Variants in DOK6 observed in about 807,000 individuals in gnomAD.
The protein encoded by DOK6 is docking protein 6, also known as downstream of tyrosine kinase 6.
Under a neutral mutation model 44.0 loss-of-function variants are expected in DOK6, and 22 were observed. That is an observed-to-expected ratio of 0.50 (90% CI 0.36 to 0.71). The LOEUF (loss-of-function observed/expected upper bound fraction) is 0.71. Among genes scored for constraint, DOK6 ranks in the 30% least tolerant of loss-of-function variants. DOK6 has a pLI of 0.00. For missense variants in DOK6, 340 were observed against 416.4 expected (o/e 0.82, Z 1.60); for synonymous variants, 166 against 145.5 (o/e 1.14, Z -1.01).
intron 5 of DOK6, among the ~76,000 whole-genome samples, chr18:69,730,426 G>A (rs1978364222): frequency 6.6e-6 from 1 of 152,192 alleles, no homozygotes; most frequent in African/African-American, 2.4e-5. Flanking sequence ...TCCTAAACTA[G>A]AATTTGTTAG....
At chr18:69,601,722 G>A (rs1983877188) in intron 3 of DOK6, among the ~76,000 whole-genome samples, 1 of 152,146 alleles carries the variant, frequency 6.6e-6, no homozygotes, top group African/African-American at 2.4e-5. Context: ...AAACTCCCAA[G>A]TACACCTAGC....
At chr18:69,774,156 A>AT (rs1473888911) in intron 7 of DOK6, among the ~76,000 whole-genome samples, 9 of 116,680 alleles carry the variant, frequency 7.7e-5, no homozygotes, top group South Asian at 2.9e-4. Context: ...ATATATATAT[A>AT]ATGTAATACT....
At chr18:69,819,559 A>T (rs1382594970) in intron 7 of DOK6, among the ~76,000 whole-genome samples, 1 of 152,148 alleles carries the variant, frequency 6.6e-6, no homozygotes, top group Non-Finnish European at 1.5e-5. Flanking sequence ...TTCTTGAGAA[A>T]TTTTTAAGTG....
chr18:69,465,530 C>T (rs1979901092), intron 1 of DOK6, among the ~76,000 whole-genome samples: 1 of 151,120 alleles, frequency 6.6e-6, no homozygotes, highest in Non-Finnish European at 1.5e-5. Context: ...TTGTTCAATT[C>T]CCACCTATGA....
intron 7 of DOK6, among the ~76,000 whole-genome samples, chr18:69,839,761 G>T (rs914642551): frequency 1.3e-5 from 2 of 152,202 alleles, no homozygotes; most frequent in African/African-American, 4.8e-5. Flanking sequence ...CAGGCGCCGT[G>T]GGGCAGAAAG....
intron 1 of DOK6, among the ~76,000 whole-genome samples, chr18:69,432,804 C>A (rs1289908138): frequency 6.6e-6 from 1 of 152,052 alleles, no homozygotes; most frequent in African/African-American, 2.4e-5. Context: ...AATATAAATT[C>A]ATACAATTTT....
intron 7 of DOK6, among the ~76,000 whole-genome samples, chr18:69,808,887 CA>C (rs1981134225): frequency 6.6e-6 from 1 of 151,722 alleles, no homozygotes; most frequent in African/African-American, 2.4e-5. Flanking sequence ...TAATCATTCC[CA>C]AACTCCTGTC....
At chr18:69,496,008 G>A (rs571814301) in intron 1 of DOK6, among the ~76,000 whole-genome samples, 1 of 152,202 alleles carries the variant, frequency 6.6e-6, no homozygotes, top group African/African-American at 2.4e-5. Context: ...AACTTGCGGG[G>A]GGAGATGCCT....
At chr18:69,509,584 G>A (rs1300372667) in intron 1 of DOK6, among the ~76,000 whole-genome samples, 2 of 140,622 alleles carry the variant, frequency 1.4e-5, no homozygotes, top group South Asian at 2.4e-4. Flanking sequence ...CTTGCAGTGA[G>A]CCGAGATCGC....
At chr18:69,803,924 GA>G (rs1980978941) in intron 7 of DOK6, among the ~76,000 whole-genome samples, 1 of 152,022 alleles carries the variant, frequency 6.6e-6, no homozygotes, top group African/African-American at 2.4e-5. Flanking sequence ...GTTGCAGGAA[GA>G]AATAGAAAGT....
chr18:69,567,892 C>T (rs1341392399), intron 2 of DOK6, among the ~76,000 whole-genome samples: 1 of 152,238 alleles, frequency 6.6e-6, no homozygotes, highest in Admixed American at 6.5e-5. Flanking sequence ...ACCTTTATCT[C>T]AGCCGCTTGC....
chr18:69,663,368 C>G (rs1985577466), intron 3 of DOK6: 1 of 151,844 alleles, frequency 6.6e-6, no homozygotes, highest in Non-Finnish European at 1.5e-5. Context: ...ACGACAAACC[C>G]CCATGACACC....
chr18:69,751,954 G>C (rs932018942), intron 6 of DOK6, among the ~76,000 whole-genome samples: 5 of 152,104 alleles, frequency 3.3e-5, no homozygotes, highest in African/African-American at 1.2e-4. Context: ...AATTTTAGGA[G>C]AGAATACCTT....
chr18:69,534,931 G>A (rs1372321159), intron 1 of DOK6, among the ~76,000 whole-genome samples: 7 of 151,832 alleles, frequency 4.6e-5, no homozygotes, highest in Admixed American at 3.9e-4. Context: ...CTGCTTTCTG[G>A]CTGTGATATT....
chr18:69,710,210 T>A (rs1192497555), intron 5 of DOK6, among the ~76,000 whole-genome samples: 1 of 152,236 alleles, frequency 6.6e-6, no homozygotes, highest in Non-Finnish European at 1.5e-5. Context: ...TTACTATTTT[T>A]AATAATTTTC....
At chr18:69,511,541 C>T (rs1981364939) in intron 1 of DOK6, among the ~76,000 whole-genome samples, 1 of 152,172 alleles carries the variant, frequency 6.6e-6, no homozygotes, top group Non-Finnish European at 1.5e-5. Context: ...CTGTTTTACA[C>T]ATAAGCACTT....
chr18:69,455,666 A>T (rs1979615286), intron 1 of DOK6, among the ~76,000 whole-genome samples: 1 of 152,200 alleles, frequency 6.6e-6, no homozygotes, highest in Non-Finnish European at 1.5e-5. Context: ...TAAGATACAT[A>T]GAGGCTTAGG....
intron 4 of DOK6, among the ~76,000 whole-genome samples, chr18:69,684,328 A>G (rs1347445418): frequency 6.6e-6 from 1 of 152,186 alleles, no homozygotes; most frequent in Non-Finnish European, 1.5e-5. Flanking sequence ...TCTTCTCACA[A>G]TGTCAAATCT....
intron 1 of DOK6, among the ~76,000 whole-genome samples, chr18:69,420,375 A>T (rs182401501): frequency 1.4e-4 from 22 of 152,304 alleles, no homozygotes; most frequent in African/African-American, 5.0e-4. Flanking sequence ...ATGTTCTATT[A>T]GGAATCATCC....
Sources: gnomAD v4.1 joint callset for allele counts (sites outside exome capture counted in the v4.1 genomes callset) on GRCh38, gnomAD v4.1.1 for gene constraint, MANE v1.5 for transcripts, NCBI Gene and HGNC (gene_info 2026-07-23, HGNC 2026-07-21) for gene names.